Variants in SGCZ observed in about 807,000 individuals in gnomAD.
SGCZ encodes the protein zeta-sarcoglycan.
SGCZ carries 40 observed loss-of-function variants against 41.3 expected under a neutral mutation model. That is an observed-to-expected ratio of 0.97 (90% CI 0.75 to 1.26). The LOEUF (loss-of-function observed/expected upper bound fraction) is 1.26, where lower values mean the gene tolerates loss of function less well. Among genes scored for constraint, SGCZ ranks in the 50% most tolerant of loss-of-function variants. The pLI, the probability that SGCZ is intolerant of heterozygous loss-of-function variation, is 0.00. For synonymous variants in SGCZ, 206 were observed against 137.5 expected (o/e 1.50, Z -3.49); for missense variants, 552 against 369.8 (o/e 1.49, Z -4.04).
intron 1 of SGCZ, among the ~76,000 whole-genome samples, chr8:15,183,257 A>G (rs907085529): frequency 1.3e-5 from 2 of 152,262 alleles, no homozygotes; most frequent in Non-Finnish European, 2.9e-5. Flanking sequence ...CAAGTATTAT[A>G]TACTGTACAT....
intron 5 of SGCZ, among the ~76,000 whole-genome samples, chr8:14,137,287 G>C (rs1015294478): frequency 6.6e-6 from 1 of 152,230 alleles, no homozygotes; most frequent in East Asian, 1.9e-4. Context: ...AAAGATCGCA[G>C]CTCCTCGCAA....
chr8:15,207,003 A>T (rs930182229), intron 1 of SGCZ, among the ~76,000 whole-genome samples: 3 of 152,186 alleles, frequency 2.0e-5, no homozygotes, highest in African/African-American at 7.2e-5. Flanking sequence ...TAAATGCAAG[A>T]GATATTGTCA....
chr8:14,666,700 A>T (rs1434791793), intron 1 of SGCZ, among the ~76,000 whole-genome samples: 1 of 151,810 alleles, frequency 6.6e-6, no homozygotes, highest in Non-Finnish European at 1.5e-5. Context: ...AAAAAAAAAA[A>T]AGAATTGAAT....
At chr8:14,734,506 G>C (rs1798969765) in intron 1 of SGCZ, among the ~76,000 whole-genome samples, 1 of 152,006 alleles carries the variant, frequency 6.6e-6, no homozygotes. Flanking sequence ...AGCAACCCAA[G>C]GAACTTAGTA....
chr8:14,645,941 C>G (rs1485871609), intron 1 of SGCZ, among the ~76,000 whole-genome samples: 1 of 151,790 alleles, frequency 6.6e-6, no homozygotes, highest in Non-Finnish European at 1.5e-5. Context: ...AACCTGTTCT[C>G]TTACTATGCA....
chr8:14,672,914 G>T (rs1808150750), intron 1 of SGCZ, among the ~76,000 whole-genome samples: 1 of 152,146 alleles, frequency 6.6e-6, no homozygotes, highest in Admixed American at 6.5e-5. Context: ...GGTCTATGCT[G>T]CAACTACTCA....
At chr8:15,109,796 A>G (rs926444737) in intron 1 of SGCZ, among the ~76,000 whole-genome samples, 1 of 152,140 alleles carries the variant, frequency 6.6e-6, no homozygotes. Context: ...TTGCTGTTAA[A>G]ATTACAGGTG....
intron 1 of SGCZ, among the ~76,000 whole-genome samples, chr8:14,712,498 T>C (rs1019997173): frequency 2.0e-5 from 3 of 152,166 alleles, no homozygotes; most frequent in Non-Finnish European, 2.9e-5. Flanking sequence ...AGGGCAGTTA[T>C]GTAGTGAATT....
chr8:14,218,939 G>C (rs1252870844), intron 4 of SGCZ, among the ~76,000 whole-genome samples: 1 of 152,200 alleles, frequency 6.6e-6, no homozygotes, highest in Non-Finnish European at 1.5e-5. Flanking sequence ...TTCTCTTACA[G>C]CTACACGGAG....
chr8:14,117,209 T>C (rs1362552986), intron 5 of SGCZ, among the ~76,000 whole-genome samples: 1 of 152,144 alleles, frequency 6.6e-6, no homozygotes, highest in Non-Finnish European at 1.5e-5. Flanking sequence ...CTGATATAAA[T>C]GGGCCTCTTC....
chr8:14,455,453 CAT>C (rs1231980428), intron 2 of SGCZ, among the ~76,000 whole-genome samples: 3 of 100,260 alleles, frequency 3.0e-5, no homozygotes, highest in African/African-American at 4.3e-5. Flanking sequence ...CATTTGCATG[CAT>C]ACACACACAC....
At chr8:14,612,138 T>C (rs895820818) in intron 1 of SGCZ, among the ~76,000 whole-genome samples, 3 of 152,190 alleles carry the variant, frequency 2.0e-5, no homozygotes, top group Admixed American at 6.5e-5. Context: ...TATTTTTTCC[T>C]ATTATGGGAA....
intron 1 of SGCZ, among the ~76,000 whole-genome samples, chr8:14,757,274 C>T (rs955579093): frequency 6.6e-6 from 1 of 152,160 alleles, no homozygotes; most frequent in African/African-American, 2.4e-5. Flanking sequence ...GACTCGAACC[C>T]CTGACTTCAG....
chr8:14,809,844 T>G (rs988752198), intron 1 of SGCZ, among the ~76,000 whole-genome samples: 1 of 152,196 alleles, frequency 6.6e-6, no homozygotes, highest in African/African-American at 2.4e-5. Context: ...ATTCTGATGT[T>G]TAAGAACGCA....
intron 1 of SGCZ, among the ~76,000 whole-genome samples, chr8:14,641,058 G>A (rs1413485538): frequency 6.6e-6 from 1 of 151,596 alleles, no homozygotes; most frequent in Non-Finnish European, 1.5e-5. Context: ...GGTATACTCT[G>A]TTCCCATCTT....
intron 2 of SGCZ, among the ~76,000 whole-genome samples, chr8:14,424,513 C>A (rs1350605206): frequency 6.6e-6 from 1 of 152,104 alleles, no homozygotes; most frequent in East Asian, 1.9e-4. Flanking sequence ...AAAATATACA[C>A]AAATATGTGT....
chr8:14,428,121 CACACACACACACATAT>C (rs768126713), intron 2 of SGCZ, among the ~76,000 whole-genome samples: 41 of 6,670 alleles, frequency 6.1e-3, no homozygotes, highest in Non-Finnish European at 0.024. Context: ...CACACACACA[CACACACACACACATAT>C]ATATATATAT....
chr8:15,137,249 G>A (rs183120931), intron 1 of SGCZ, among the ~76,000 whole-genome samples: 22 of 152,226 alleles, frequency 1.4e-4, no homozygotes, highest in East Asian at 5.8e-4. Flanking sequence ...ATGATTTAGC[G>A]TATCTGGTGG....
chr8:14,611,885 A>G (rs930155508), intron 1 of SGCZ, among the ~76,000 whole-genome samples: 28 of 152,202 alleles, frequency 1.8e-4, no homozygotes, highest in African/African-American at 6.8e-4. Flanking sequence ...GTCACTCATG[A>G]GCCATTGCAG....
Sources: gnomAD v4.1 joint callset for allele counts (sites outside exome capture counted in the v4.1 genomes callset) on GRCh38, gnomAD v4.1.1 for gene constraint, MANE v1.5 for transcripts, NCBI Gene and HGNC (gene_info 2026-07-23, HGNC 2026-07-21) for gene names.